THADA: variants seen among roughly 807,000 people sequenced by gnomAD.
THADA encodes the protein THADA armadillo repeat containing.
Under a neutral mutation model 219.8 loss-of-function variants are expected in THADA, and 213 were observed. The observed-to-expected ratio is 0.97, with a 90% CI of 0.87 to 1.09. The LOEUF (loss-of-function observed/expected upper bound fraction) is 1.09. Ranked by LOEUF, THADA falls within the 50% of genes least tolerant of loss-of-function variation. The pLI is 0.00. For synonymous variants in THADA, 1,018 were observed against 828.9 expected, an observed-to-expected ratio of 1.23 and a Z score of -3.92; for missense variants, 2,956 against 2,311.3, an observed-to-expected ratio of 1.28 and a Z score of -5.72.
At chr2:43,235,879 T>C (rs986352278) in intron 36 of THADA, among the ~76,000 whole-genome samples, 2 of 151,262 alleles carry the variant, frequency 1.3e-5, no homozygotes, top group Admixed American at 1.3e-4. Flanking sequence ...GGATCTCGGC[T>C]CACTGCAAGC....
chr2:43,556,044 T>C (rs1240459487), intron 17 of THADA: 4 of 458,522 alleles, frequency 8.7e-6, no homozygotes, highest in Admixed American at 5.2e-5. Context: ...CTAGTCACAG[T>C]ATAATTTATG....
intron 28 of THADA, among the ~76,000 whole-genome samples, chr2:43,418,930 T>C (rs1258620699): frequency 6.6e-6 from 1 of 152,158 alleles, no homozygotes; most frequent in East Asian, 1.9e-4. Flanking sequence ...AGGTCACTCC[T>C]ATTTGTTGGT....
chr2:43,533,266 T>C (rs977677693), intron 21 of THADA, among the ~76,000 whole-genome samples: 2 of 152,106 alleles, frequency 1.3e-5, no homozygotes, highest in Admixed American at 6.5e-5. Context: ...TGTGGAGAAA[T>C]AGAAACACTT....
At chr2:43,329,403 A>C (rs1679704159) in intron 30 of THADA, among the ~76,000 whole-genome samples, 1 of 152,186 alleles carries the variant, frequency 6.6e-6, no homozygotes, top group Non-Finnish European at 1.5e-5. Context: ...GTAAATCACA[A>C]GGGGAGAATT....
intron 21 of THADA, among the ~76,000 whole-genome samples, chr2:43,529,531 A>G (rs1174919400): frequency 6.6e-6 from 1 of 152,230 alleles, no homozygotes; most frequent in Non-Finnish European, 1.5e-5. Context: ...TATTTTAAAG[A>G]AAACAAAACG....
chr2:43,558,717 C>T (rs747342186), intron 16 of THADA, among the ~76,000 whole-genome samples: 2 of 152,136 alleles, frequency 1.3e-5, no homozygotes, highest in Non-Finnish European at 2.9e-5. Flanking sequence ...AGCTTGTGAT[C>T]GTGTGAGTCA....
intron 26 of THADA, among the ~76,000 whole-genome samples, chr2:43,451,489 A>G (rs940305863): frequency 1.2e-4 from 18 of 152,128 alleles, no homozygotes; most frequent in African/African-American, 4.3e-4. Context: ...ATCTCCTCTC[A>G]CTAGGATGTT....
chr2:43,485,074 G>C (rs868195846), intron 26 of THADA, among the ~76,000 whole-genome samples, 160 bp downstream of exon 26: 1 of 151,842 alleles, frequency 6.6e-6, no homozygotes, highest in African/African-American at 2.4e-5. Flanking sequence ...TTTGCCCAAG[G>C]GTTTATAACT....
chr2:43,507,989 C>T (rs1689909643), intron 23 of THADA, among the ~76,000 whole-genome samples: 1 of 152,092 alleles, frequency 6.6e-6, no homozygotes, highest in Non-Finnish European at 1.5e-5. Context: ...CTCGCACACA[C>T]ATATTCTCAT....
intron 21 of THADA, among the ~76,000 whole-genome samples, chr2:43,535,563 C>T (rs951672583): frequency 4.1e-5 from 6 of 147,278 alleles, no homozygotes; most frequent in Non-Finnish European, 8.9e-5. Flanking sequence ...TGCTTGTAAT[C>T]GAAGCTACTT....
At chr2:43,560,135 A>C in intron 16 of THADA, 99 bp downstream of exon 16, 1 of 987,358 alleles carries the variant, frequency 1.0e-6, no homozygotes, top group Non-Finnish European at 1.4e-6. Flanking sequence ...AAACATGAGC[A>C]GGCAGATGCA....
At chr2:43,347,733 C>T (rs1667791779) in intron 29 of THADA, among the ~76,000 whole-genome samples, 2 of 152,196 alleles carry the variant, frequency 1.3e-5, no homozygotes, top group East Asian at 3.9e-4. Context: ...AAAATAGTCT[C>T]TTAATTTTTA....
At chr2:43,592,557 C>G (rs1003334927) in intron 1 of THADA, 141 bp from the exon 2 acceptor site, 5 of 493,860 alleles carry the variant, frequency 1.0e-5, no homozygotes, top group Non-Finnish European at 1.8e-5. Flanking sequence ...CCACTAGATG[C>G]CAGTGGCACC....
intron 30 of THADA, 180 bp downstream of exon 30, chr2:43,343,942 T>C (rs563471834): frequency 1.7e-4 from 83 of 501,742 alleles, no homozygotes; most frequent in Non-Finnish European, 2.4e-4. Context: ...TTTAGAAAAA[T>C]TGTCAAGAAA....
intron 22 of THADA, among the ~76,000 whole-genome samples, chr2:43,513,484 T>C (rs1220612143): frequency 1.3e-5 from 2 of 152,138 alleles, no homozygotes; most frequent in Non-Finnish European, 2.9e-5. Context: ...CTCATCTCTT[T>C]TGAGAAGAAC....
chr2:43,375,714 C>T (rs536871146), intron 29 of THADA, among the ~76,000 whole-genome samples: 33 of 152,256 alleles, frequency 2.2e-4, no homozygotes, highest in African/African-American at 7.2e-4. Context: ...AAGAATATAA[C>T]GCTGGTTATT....
intron 29 of THADA, among the ~76,000 whole-genome samples, chr2:43,352,587 T>C (rs1159858266): frequency 1.3e-5 from 2 of 151,814 alleles, no homozygotes; most frequent in African/African-American, 4.8e-5. Context: ...AAAATGCAGA[T>C]GATTTGTTCA....
At chr2:43,437,034 C>T (rs1680207392) in intron 26 of THADA, among the ~76,000 whole-genome samples, 2 of 152,162 alleles carry the variant, frequency 1.3e-5, no homozygotes, top group African/African-American at 4.8e-5. Context: ...ACAGAAGCTT[C>T]CCAGAGATAT....
At chr2:43,331,381 C>G (rs1665751494) in intron 30 of THADA, among the ~76,000 whole-genome samples, 1 of 152,216 alleles carries the variant, frequency 6.6e-6, no homozygotes, top group Admixed American at 6.5e-5. Context: ...TTAAGAGAGA[C>G]TAGAAACTCT....
Sources: gnomAD v4.1 joint callset for allele counts (sites outside exome capture counted in the v4.1 genomes callset) on GRCh38, gnomAD v4.1.1 for gene constraint, MANE v1.5 for transcripts, NCBI Gene and HGNC (gene_info 2026-07-23, HGNC 2026-07-21) for gene names.